Variants in AUTS2 observed in about 807,000 individuals in gnomAD.
The protein encoded by AUTS2 is autism susceptibility gene 2 protein.
In AUTS2, 17 loss-of-function variants were observed where a neutral mutation model predicts 112.4. That is an observed-to-expected ratio of 0.15 (90% confidence interval 0.10 to 0.23). AUTS2 has a LOEUF of 0.23. Ranked by LOEUF, AUTS2 falls within the 10% of genes least tolerant of loss-of-function variation. The pLI is 1.00. For synonymous variants in AUTS2, 751 were observed against 702.7 expected (o/e 1.07, Z -1.09); for missense variants, 1,510 against 1,701.6 (o/e 0.89, Z 1.98).
At chr7:70,695,300 G>A (rs1809023226) in intron 5 of AUTS2, among the ~76,000 whole-genome samples, 1 of 152,172 alleles carries the variant, frequency 6.6e-6, no homozygotes, top group Non-Finnish European at 1.5e-5. Context: ...CTGCGCGGTC[G>A]TGCCCGGGAG....
chr7:70,000,351 A>G (rs1799134285), intron 2 of AUTS2, among the ~76,000 whole-genome samples: 1 of 150,486 alleles, frequency 6.6e-6, no homozygotes, highest in African/African-American at 2.5e-5. Flanking sequence ...TACTGTAATC[A>G]TATGTCTTTT....
At chr7:69,644,573 T>C (rs1375812550) in intron 1 of AUTS2, among the ~76,000 whole-genome samples, 1 of 152,124 alleles carries the variant, frequency 6.6e-6, no homozygotes, top group South Asian at 2.1e-4. Flanking sequence ...TGTAGAGGGC[T>C]CAGTAGCCTT....
At chr7:70,252,833 T>TA (rs1786672253) in intron 4 of AUTS2, among the ~76,000 whole-genome samples, 1 of 152,148 alleles carries the variant, frequency 6.6e-6, no homozygotes, top group African/African-American at 2.4e-5. Context: ...TACCAGTTAT[T>TA]AAAGAGACTA....
chr7:70,227,091 G>A (rs1414405243), intron 4 of AUTS2, among the ~76,000 whole-genome samples: 2 of 151,946 alleles, frequency 1.3e-5, no homozygotes, highest in African/African-American at 4.8e-5. Flanking sequence ...TTCTTACCTT[G>A]AGCCAGGAAG....
rs1167965776 is a variant in AUTS2, at chr7:69,876,325, C to CAAAAAAAA, written c.310-22943_310-22936dup. Among the ~76,000 whole-genome samples, 2 of 26,174 alleles carry CAAAAAAAA rather than the reference C, an allele frequency of 7.6e-5. 1 individual carries two copies. Among genetic ancestry groups the CAAAAAAAA allele is most frequent in the African/African-American group, 4.1e-4 (2 of 4,888 alleles). The allele number at this position is 26,174 out of a possible 152,430, so 17.2% of individuals were successfully genotyped here. A position where few individuals can be genotyped will look rare whatever the true frequency, so the allele number is the denominator to read the frequency against. ...TGGGTGATGGAGCGAGACTCTGTCT[C>CAAAAAAAA]AAAAAAAAAAAAAAAAAAAAAAAAA... On this transcript the variant is annotated intron_variant, in intron 1 of 18. Transcript: ENST00000342771.
chr7:70,104,254 T>C (rs1804652946), intron 2 of AUTS2, among the ~76,000 whole-genome samples: 1 of 152,054 alleles, frequency 6.6e-6, no homozygotes, highest in African/African-American at 2.4e-5. Flanking sequence ...AGTTGTTTTT[T>C]CTTTTTTTTT....
At chr7:69,749,212 C>T (rs1299020674) in intron 1 of AUTS2, among the ~76,000 whole-genome samples, 1 of 152,110 alleles carries the variant, frequency 6.6e-6, no homozygotes, top group African/African-American at 2.4e-5. Flanking sequence ...ATACAGACTT[C>T]TATTCCTTTG....
chr7:70,608,484 G>T (rs1803900998), intron 5 of AUTS2, among the ~76,000 whole-genome samples: 1 of 152,202 alleles, frequency 6.6e-6, no homozygotes. Context: ...TCTGCCCATA[G>T]TGTAGCAGTG....
chr7:70,690,401 C>T (rs1160500685), intron 5 of AUTS2, among the ~76,000 whole-genome samples: 1 of 152,170 alleles, frequency 6.6e-6, no homozygotes, highest in Non-Finnish European at 1.5e-5. Flanking sequence ...ACTACATCAT[C>T]CATAACGAAA....
At chr7:69,728,549 G>T (rs1786629891) in intron 1 of AUTS2, among the ~76,000 whole-genome samples, 1 of 152,126 alleles carries the variant, frequency 6.6e-6, no homozygotes, top group South Asian at 2.1e-4. Context: ...CTTCCCAAGG[G>T]TAGGTAGTTC....
At chr7:70,738,837 A>G (rs1787926492) in intron 6 of AUTS2, among the ~76,000 whole-genome samples, 1 of 152,136 alleles carries the variant, frequency 6.6e-6, no homozygotes, top group African/African-American at 2.4e-5. Flanking sequence ...TAGTTCAAAT[A>G]CAAGGAAATT....
chr7:69,877,827 G>C (rs1248658813), intron 1 of AUTS2, among the ~76,000 whole-genome samples: 1 of 152,162 alleles, frequency 6.6e-6, no homozygotes, highest in Non-Finnish European at 1.5e-5. Flanking sequence ...TAGACAGAAA[G>C]TGCTAGAGGG....
chr7:70,170,303 G>A (rs999670033), intron 4 of AUTS2, among the ~76,000 whole-genome samples: 1 of 151,396 alleles, frequency 6.6e-6, no homozygotes, highest in South Asian at 2.1e-4. Flanking sequence ...GGGTCTACAG[G>A]CATATACCAC....
intron 4 of AUTS2, among the ~76,000 whole-genome samples, chr7:70,402,109 G>A (rs990585074): frequency 1.3e-5 from 2 of 152,266 alleles, no homozygotes; most frequent in Non-Finnish European, 2.9e-5. Flanking sequence ...ATTTTGTGAT[G>A]TCACACTGTG....
intron 5 of AUTS2, among the ~76,000 whole-genome samples, chr7:70,498,186 A>G (rs543191561): frequency 6.6e-6 from 1 of 152,328 alleles, no homozygotes; most frequent in East Asian, 1.9e-4. Context: ...GCCAACAGAA[A>G]GATCAAGGAG....
At chr7:70,322,139 G>T (rs1478505057) in intron 4 of AUTS2, among the ~76,000 whole-genome samples, 2 of 151,864 alleles carry the variant, frequency 1.3e-5, no homozygotes, top group Non-Finnish European at 2.9e-5. Context: ...CCCTTTATTT[G>T]TATAAACTCT....
chr7:70,252,447 A>T (rs569291355), intron 4 of AUTS2, among the ~76,000 whole-genome samples: 4 of 152,030 alleles, frequency 2.6e-5, no homozygotes, highest in South Asian at 2.1e-4. Flanking sequence ...TGACTGGGTT[A>T]TTTGTTTTAT....
At chr7:69,800,162 T>C (rs894393001) in intron 1 of AUTS2, among the ~76,000 whole-genome samples, 3 of 152,200 alleles carry the variant, frequency 2.0e-5, no homozygotes, top group East Asian at 3.8e-4. Context: ...TTTCTGACTA[T>C]TCACTCCAGG....
chr7:70,229,664 C>G (rs1432944806), intron 4 of AUTS2, among the ~76,000 whole-genome samples: 1 of 151,906 alleles, frequency 6.6e-6, no homozygotes, highest in Non-Finnish European at 1.5e-5. Context: ...TTTTCAGAAC[C>G]TTTTTCTCCT....
Sources: allele counts gnomAD v4.1 joint callset (sites outside exome capture counted in the v4.1 genomes callset), GRCh38; gene constraint gnomAD v4.1.1; transcripts MANE v1.5; gene names NCBI Gene and HGNC (gene_info 2026-07-23, HGNC 2026-07-21).